SLC8A1: variants seen among roughly 807,000 people sequenced by gnomAD.
SLC8A1 encodes solute carrier family 8 member A1.
SLC8A1 carries 18 observed loss-of-function variants against 68.3 expected under a neutral mutation model. The observed-to-expected ratio is 0.26, with a 90% CI of 0.18 to 0.39. The LOEUF is 0.39. Among genes scored for constraint, SLC8A1 ranks in the 10% least tolerant of loss-of-function variants. The pLI, the probability that SLC8A1 is intolerant of heterozygous loss-of-function variation, is 1.00. For synonymous variants in SLC8A1, 475 were observed against 415.5 expected (o/e 1.14, Z -1.74); for missense variants, 985 against 1,156.7 (o/e 0.85, Z 2.15).
intron 7 of SLC8A1, among the ~76,000 whole-genome samples, chr2:40,138,111 A>G (rs1353130791): frequency 2.6e-5 from 4 of 152,188 alleles, no homozygotes; most frequent in Non-Finnish European, 5.9e-5. Flanking sequence ...AATCTTGACC[A>G]TAATTCTGCA....
At chr2:40,179,894 T>C (rs957964506) in intron 2 of SLC8A1, among the ~76,000 whole-genome samples, 18 of 152,320 alleles carry the variant, frequency 1.2e-4, no homozygotes, top group African/African-American at 4.3e-4. Flanking sequence ...TGGCTTAGCA[T>C]TGTAGACCTG....
intron 2 of SLC8A1, among the ~76,000 whole-genome samples, chr2:40,389,658 C>A (rs1684668490): frequency 6.6e-6 from 1 of 151,838 alleles, no homozygotes; most frequent in Non-Finnish European, 1.5e-5. Context: ...CATGTTACTG[C>A]CTTTCCAATT....
intron 2 of SLC8A1, among the ~76,000 whole-genome samples, chr2:40,334,644 A>C (rs1665351456): frequency 6.6e-6 from 1 of 152,172 alleles, no homozygotes; most frequent in African/African-American, 2.4e-5. Flanking sequence ...TGTCCTGAAA[A>C]CATTTTTTTC....
chr2:40,256,976 G>C (rs187710250), intron 2 of SLC8A1, among the ~76,000 whole-genome samples: 2 of 152,086 alleles, frequency 1.3e-5, no homozygotes, highest in East Asian at 3.9e-4. Flanking sequence ...AGTCTCTGCA[G>C]TCTCATCTGA....
At chr2:40,125,272 G>A (rs556578078) in intron 7 of SLC8A1, among the ~76,000 whole-genome samples, 17 of 152,230 alleles carry the variant, frequency 1.1e-4, no homozygotes, top group Admixed American at 5.2e-4. Context: ...GGTGCATCTC[G>A]AAGGGTGTAG....
intron 2 of SLC8A1, among the ~76,000 whole-genome samples, chr2:40,287,941 G>A (rs980764771): frequency 6.6e-6 from 1 of 152,068 alleles, no homozygotes; most frequent in Non-Finnish European, 1.5e-5. Flanking sequence ...AGACTTTGAT[G>A]GGTATTGTCC....
At chr2:40,270,774 T>A (rs1417516073) in intron 2 of SLC8A1, among the ~76,000 whole-genome samples, 1 of 152,162 alleles carries the variant, frequency 6.6e-6, no homozygotes, top group East Asian at 1.9e-4. Flanking sequence ...AGCATTACAT[T>A]ATTCCACTTA....
At chr2:40,304,110 T>G (rs1031292349) in intron 2 of SLC8A1, among the ~76,000 whole-genome samples, 11 of 152,208 alleles carry the variant, frequency 7.2e-5, no homozygotes, top group African/African-American at 2.7e-4. Context: ...CTTTAGTATA[T>G]CTCATAAACT....
intron 2 of SLC8A1, among the ~76,000 whole-genome samples, chr2:40,329,626 G>A (rs2076211829): frequency 6.6e-6 from 1 of 152,108 alleles, no homozygotes; most frequent in South Asian, 2.1e-4. Flanking sequence ...TCAAAACCAG[G>A]CCAAGAATTC....
At chr2:40,292,596 G>C (rs1047490468) in intron 2 of SLC8A1, among the ~76,000 whole-genome samples, 45 of 152,260 alleles carry the variant, frequency 3.0e-4, no homozygotes, top group African/African-American at 1.1e-3. Flanking sequence ...GTGGATTGAA[G>C]ACCTAATGGA....
intron 1 of SLC8A1, among the ~76,000 whole-genome samples, chr2:40,443,498 A>C (rs1041083162): frequency 6.6e-6 from 1 of 152,182 alleles, no homozygotes; most frequent in African/African-American, 2.4e-5. Context: ...CTGTAACAGG[A>C]TTATTCACAG....
intron 1 of SLC8A1, among the ~76,000 whole-genome samples, chr2:40,432,359 G>A (rs989457572): frequency 2.0e-5 from 3 of 149,736 alleles, no homozygotes; most frequent in Admixed American, 6.7e-5. Flanking sequence ...TATGGTACAT[G>A]TGTGTGCAGA....
At chr2:40,487,157 T>C (rs1278731405) in intron 1 of SLC8A1, among the ~76,000 whole-genome samples, 1 of 152,144 alleles carries the variant, frequency 6.6e-6, no homozygotes, top group African/African-American at 2.4e-5. Flanking sequence ...TATGTATGTA[T>C]AGGAAATGTG....
At chr2:40,117,627 A>T (rs2035777289) in intron 7 of SLC8A1, among the ~76,000 whole-genome samples, 1 of 152,064 alleles carries the variant, frequency 6.6e-6, no homozygotes. Context: ...ATTATAGCAG[A>T]TATTAATAAC....
chr2:40,210,861 T>C (rs1458204457), intron 2 of SLC8A1, among the ~76,000 whole-genome samples: 2 of 152,334 alleles, frequency 1.3e-5, no homozygotes, highest in Non-Finnish European at 2.9e-5. Flanking sequence ...TACCTTTTTG[T>C]CATGTACAGA....
At chr2:40,321,608 C>A (rs1160388644) in intron 2 of SLC8A1, among the ~76,000 whole-genome samples, 1 of 152,000 alleles carries the variant, frequency 6.6e-6, no homozygotes, top group Non-Finnish European at 1.5e-5. Flanking sequence ...CAGAAAGGGA[C>A]GCAAATACAT....
At chr2:40,156,360 G>GTTTTTTTTTTTTTT (rs71404280) in intron 6 of SLC8A1, among the ~76,000 whole-genome samples, 2 of 140,790 alleles carry the variant, frequency 1.4e-5, no homozygotes, top group African/African-American at 2.6e-5. Flanking sequence ...AACTGCTGGA[G>GTTTTTTTTTTTTTT]TTTTTTTTTT....
intron 2 of SLC8A1, among the ~76,000 whole-genome samples, chr2:40,380,311 T>C (rs1479243860): frequency 6.6e-6 from 1 of 152,186 alleles, no homozygotes; most frequent in Non-Finnish European, 1.5e-5. Context: ...ACAGTCTATT[T>C]ACAAAACAGC....
intron 2 of SLC8A1, among the ~76,000 whole-genome samples, chr2:40,292,759 C>T (rs2069567055): frequency 6.6e-6 from 1 of 152,152 alleles, no homozygotes; most frequent in South Asian, 2.1e-4. Context: ...GAGGAAAAGG[C>T]TGCTGGACTG....
Sources: gnomAD v4.1 joint callset for allele counts (sites outside exome capture counted in the v4.1 genomes callset) on GRCh38, gnomAD v4.1.1 for gene constraint, MANE v1.5 for transcripts, NCBI Gene and HGNC (gene_info 2026-07-23, HGNC 2026-07-21) for gene names.